Variants in CMTM8 observed in about 807,000 individuals in gnomAD.
The protein encoded by CMTM8 is CKLF like MARVEL transmembrane domain containing 8.
Under a neutral mutation model 18.6 loss-of-function variants are expected in CMTM8, and 12 were observed. The observed-to-expected ratio is 0.65, with a 90% CI of 0.41 to 1.05. The LOEUF is 1.05. Ranked by LOEUF, CMTM8 falls within the 50% of genes least tolerant of loss-of-function variation. The pLI, the probability that CMTM8 is intolerant of heterozygous loss-of-function variation, is 0.00. For missense variants in CMTM8, 217 were observed against 227.2 expected, an observed-to-expected ratio of 0.95 and a Z score of 0.29; for synonymous variants, 87 against 90.6, an observed-to-expected ratio of 0.96 and a Z score of 0.23.
chr3:32,308,173 C>A (rs1454033678), intron 1 of CMTM8, among the ~76,000 whole-genome samples: 1 of 152,192 alleles, frequency 6.6e-6, no homozygotes, highest in East Asian at 1.9e-4. Flanking sequence ...CTACCGACTC[C>A]ATGTCTCTAA....
At chr3:32,354,528 G>A (rs1036056130) in intron 1 of CMTM8, among the ~76,000 whole-genome samples, 3 of 152,180 alleles carry the variant, frequency 2.0e-5, no homozygotes, top group African/African-American at 7.2e-5. Flanking sequence ...TGGACAGCAG[G>A]CTTCACTCGC....
chr3:32,268,534 G>A (rs1486171846), intron 1 of CMTM8, among the ~76,000 whole-genome samples: 2 of 150,536 alleles, frequency 1.3e-5, no homozygotes, highest in Non-Finnish European at 2.9e-5. Flanking sequence ...CATGGCACAT[G>A]TATACATATG....
At chr3:32,256,488 C>T (rs568396510) in intron 1 of CMTM8, among the ~76,000 whole-genome samples, 5 of 152,158 alleles carry the variant, frequency 3.3e-5, no homozygotes, top group Non-Finnish European at 1.5e-5. Flanking sequence ...GACTTCGTTA[C>T]AGCAGAGTCT....
chr3:32,242,985 T>C (rs1045079011), intron 1 of CMTM8, among the ~76,000 whole-genome samples: 16 of 152,120 alleles, frequency 1.1e-4, no homozygotes, highest in African/African-American at 3.6e-4. Context: ...CTCTGCCTCC[T>C]GGGTTCAGGC....
At chr3:32,277,584 G>A (rs1000228056) in intron 1 of CMTM8, among the ~76,000 whole-genome samples, 4 of 151,910 alleles carry the variant, frequency 2.6e-5, no homozygotes, top group African/African-American at 7.3e-5. Flanking sequence ...GAGAGTTTGC[G>A]GGAACTGTGT....
At chr3:32,312,459 TACAGATGA>T (rs151037692) in intron 1 of CMTM8, among the ~76,000 whole-genome samples, 6,042 of 152,084 alleles carry the variant, frequency 0.04, 371 homozygotes, top group African/African-American at 0.13. Context: ...TTACAAAGGA[TACAGATGA>T]ACAGCCAGAA....
intron 1 of CMTM8, among the ~76,000 whole-genome samples, chr3:32,357,168 C>T (rs562905506): frequency 1.5e-4 from 23 of 152,244 alleles, no homozygotes; most frequent in Middle Eastern, 3.4e-3. Context: ...CCCTTGAACC[C>T]GGGAGGTGGA....
At chr3:32,292,499 A>T (rs1393677171) in intron 1 of CMTM8, among the ~76,000 whole-genome samples, 1 of 152,198 alleles carries the variant, frequency 6.6e-6, no homozygotes, top group East Asian at 1.9e-4. Context: ...TACATGGTTC[A>T]AAAGTATGAA....
intron 1 of CMTM8, among the ~76,000 whole-genome samples, chr3:32,348,517 C>G (rs1299966717): frequency 3.3e-5 from 3 of 91,140 alleles, no homozygotes; most frequent in Non-Finnish European, 6.6e-5. Flanking sequence ...TCTTCACTCT[C>G]TCTTCCTGGA....
Position 32,267,647 on chromosome 3 carries a change from C to A in CMTM8, c.147+28528C>A, listed in dbSNP as rs576853889. On this transcript the variant is annotated intron_variant, in intron 1 of 3. Coordinates refer to ENST00000307526, the MANE Select transcript of CMTM8 (RefSeq NM_178868.5). ...GCTTCTGCACAGCAAAAGAAACTAC[C>A]ATCAGAGTGAACAGGCAACCCACAA... Among the ~76,000 whole-genome samples, 8 of 152,230 alleles carry A rather than the reference C, an allele frequency of 5.3e-5. 1 individual carries two copies. In the South Asian group the frequency reaches 1.7e-3, roughly 32 times the overall value.
chr3:32,285,876 C>T (rs1384338434), intron 1 of CMTM8, among the ~76,000 whole-genome samples: 2 of 152,218 alleles, frequency 1.3e-5, no homozygotes, highest in Non-Finnish European at 2.9e-5. Flanking sequence ...CTGCTAAATT[C>T]TCTGTCTCCT....
Position 32,239,113 on chromosome 3 carries a change from C to A in CMTM8, c.141C>A (p.Ala47=). 5 of 1,598,388 alleles carry A rather than the reference C, an allele frequency of 3.1e-6. No individual in the cohort carries two copies. The highest frequency in any genetic ancestry group is 1.7e-4 in the Middle Eastern group (1 of 6,036). The change falls in exon 1 of 4, where the codon GCC becomes GCA. Residue 47 remains alanine, a synonymous_variant. Coordinates refer to ENST00000307526, the MANE Select transcript of CMTM8 (RefSeq NM_178868.5). ...LRTLPGFLIV[A]EIVLGLLVWT... ...CCCTGCCCGGCTTCCTCATCGTGGC[C>A]GAGATCGTGAGTGCCGACGGGCCGG...
chr3:32,303,108 C>G (rs527422104), intron 1 of CMTM8, among the ~76,000 whole-genome samples: 37 of 152,296 alleles, frequency 2.4e-4, no homozygotes, highest in African/African-American at 8.9e-4. Context: ...GTCCAAATTG[C>G]AGGCGTCTAG....
chr3:32,244,515 T>C (rs995190231), intron 1 of CMTM8, among the ~76,000 whole-genome samples: 59 of 152,268 alleles, frequency 3.9e-4, no homozygotes, highest in African/African-American at 1.4e-3. Context: ...ATTTTCTCTT[T>C]CCATTTTCTC....
At chr3:32,318,744 T>C (rs1260288568) in intron 1 of CMTM8, among the ~76,000 whole-genome samples, 1 of 151,438 alleles carries the variant, frequency 6.6e-6, no homozygotes, top group Non-Finnish European at 1.5e-5. Context: ...TTTTTTTGTA[T>C]TTTTAGGAGA....
chr3:32,316,307 G>T (rs376736047), intron 1 of CMTM8, among the ~76,000 whole-genome samples: 2 of 152,086 alleles, frequency 1.3e-5, no homozygotes, highest in African/African-American at 4.8e-5. Context: ...GATTACAGGC[G>T]TGAGCCACCA....
intron 1 of CMTM8, among the ~76,000 whole-genome samples, chr3:32,322,454 G>A (rs955027285): frequency 9.9e-5 from 15 of 152,160 alleles, no homozygotes; most frequent in Admixed American, 4.6e-4. Flanking sequence ...AATGTTTCCC[G>A]GTGAGAGTAA....
intron 1 of CMTM8, among the ~76,000 whole-genome samples, chr3:32,294,355 A>G (rs536250477): frequency 1.3e-5 from 2 of 152,094 alleles, no homozygotes; most frequent in Non-Finnish European, 2.9e-5. Flanking sequence ...AGGCTTCCAG[A>G]TGCCTTCTTC....
chr3:32,269,009 A>T lies in CMTM8; in HGVS notation c.147+29890A>T, dbSNP rs541550133. 5.9e-5 allele frequency among the ~76,000 whole-genome samples: 9 copies of T among 152,330 alleles called. No homozygotes were observed. In the East Asian group the frequency reaches 1.7e-3, roughly 29 times the overall value. On this transcript the variant is annotated intron_variant, in intron 1 of 3. Transcript: ENST00000307526. ...AATCTTTAAATTTAGGTTTTAAAGGATGCAACAAGAAATCTACATCAATCA... is the reference window on the plus strand; with the variant it reads ...AATCTTTAAATTTAGGTTTTAAAGGTTGCAACAAGAAATCTACATCAATCA...
Sources: gnomAD v4.1 joint callset for allele counts (sites outside exome capture counted in the v4.1 genomes callset) on GRCh38, gnomAD v4.1.1 for gene constraint, MANE v1.5 for transcripts, NCBI Gene and HGNC (gene_info 2026-07-23, HGNC 2026-07-21) for gene names.